The following ANKRD17 variants were observed in gnomAD, a reference collection of about 807,000 sequenced individuals.
The protein encoded by ANKRD17 is ankyrin repeat domain 17.
ANKRD17 carries 19 observed loss-of-function variants against 229.7 expected under a neutral mutation model. The ratio of observed to expected loss-of-function variants is 0.08; its 90% confidence interval spans 0.06 to 0.12. The LOEUF is 0.12. ANKRD17 is among the 10% of genes least tolerant of loss of function. The pLI, the probability that ANKRD17 is intolerant of heterozygous loss-of-function variation, is 1.00. For missense variants in ANKRD17, 2,176 were observed against 3,176.8 expected (o/e 0.68, Z 7.57); for synonymous variants, 1,112 against 1,146.1 (o/e 0.97, Z 0.60).
intron 29 of ANKRD17, among the ~76,000 whole-genome samples, chr4:73,090,235 C>A (rs1186479211): frequency 6.6e-6 from 1 of 152,038 alleles, no homozygotes. Context: ...CATGGTGAAA[C>A]CCCATCTCTA....
rs904707370 is a variant in ANKRD17, at chr4:73,075,990, G to T, written c.*241C>A. On this transcript the variant is annotated 3_prime_UTR_variant, in exon 34 of 34. Coordinates refer to ENST00000358602, the MANE Select transcript of ANKRD17 (RefSeq NM_032217.5). ...GAAAGTTATGTCCAAAGGGGAAGAG[G>T]GAAAGAAAAAAAGAAAAATGATAAG... 13 of 370,658 alleles carry T rather than the reference G, an allele frequency of 3.5e-5. No homozygotes were observed. The highest frequency in any genetic ancestry group is 4.9e-5 in the Non-Finnish European group (10 of 204,928). The allele number at this position is 370,658 out of a possible 1,614,324, so 23.0% of individuals were successfully genotyped here.
chr4:73,142,507 C>A (rs577081946), intron 12 of ANKRD17, 122 bp from the exon 13 acceptor site: 2 of 1,574,894 alleles, frequency 1.3e-6, no homozygotes, highest in Non-Finnish European at 8.6e-7. Context: ...TGGTAAAGAA[C>A]GCTTCAAGTG....
chr4:73,140,636 A>G (rs942586995), intron 14 of ANKRD17, among the ~76,000 whole-genome samples: 2 of 152,188 alleles, frequency 1.3e-5, no homozygotes, highest in East Asian at 3.8e-4. Context: ...AAAACTCATC[A>G]TAAGAACAGA....
chr4:73,154,467 AT>A, intron 5 of ANKRD17, among the ~76,000 whole-genome samples: 2 of 152,244 alleles, frequency 1.3e-5, no homozygotes, highest in South Asian at 4.1e-4. Context: ...TATCAGAGAA[AT>A]GCTTCACAAG....
In ANKRD17 at chr4:73,121,643, T is replaced by C; in HGVS notation, c.3609A>G (p.Leu1203=). The C allele has an allele frequency of 6.2e-7, 1 of 1,613,692 alleles. No individual in the cohort carries two copies. Among genetic ancestry groups the C allele is most frequent in the East Asian group, 2.2e-5 (1 of 44,834 alleles). ...GGYVNIIKIL[L]NAGAEINSRT... ...TAGAGTTAATCTCAGCTCCTGCATT[T>C]AGTAATATTTTGATGATGTTCACAT... Residue 1203 remains leucine, a synonymous_variant, in exon 19 of 34, where the codon CTA becomes CTG. Transcript: ENST00000358602.
chr4:73,125,567 G>A (rs1727325634), intron 16 of ANKRD17, among the ~76,000 whole-genome samples: 1 of 151,704 alleles, frequency 6.6e-6, no homozygotes, highest in Admixed American at 6.6e-5. Context: ...ACCCCATCTT[G>A]ACTGAAAATA....
intron 29 of ANKRD17, 117 bp from the exon 30 acceptor site, chr4:73,085,563 T>C: frequency 2.1e-6 from 2 of 959,954 alleles, no homozygotes; most frequent in South Asian, 1.7e-5. Flanking sequence ...ATTAAAAAAA[T>C]CCCGGCTGGG....
chr4:73,090,716 T>G lies in ANKRD17; in HGVS notation c.6912A>C (p.Lys2304Asn). ...GTAATGGTGGTCTAAAACCTGGAGC[T>G]TTGGAAGTATCAGACTGATGTAAAG... ...SDPLHQSDTS[K>N]APGFRPPLQR... Residue 2304 changes from lysine (K) to asparagine (N), a missense_variant, in exon 29 of 34, where the codon AAA becomes AAC. Lys to Asn is a moderately conservative substitution (Grantham distance 94). Coordinates refer to ENST00000358602, the MANE Select transcript of ANKRD17 (RefSeq NM_032217.5). 6.2e-7 allele frequency: 1 copy of G among 1,614,178 alleles called. No homozygotes were observed. The highest frequency in any genetic ancestry group is 8.5e-7 in the Non-Finnish European group (1 of 1,180,032).
chr4:73,201,465 G>GA (rs1275822937), intron 1 of ANKRD17, among the ~76,000 whole-genome samples: 1 of 151,610 alleles, frequency 6.6e-6, no homozygotes, highest in Non-Finnish European at 1.5e-5. Context: ...AAAACTACAG[G>GA]AAAATGTAAA....
intron 1 of ANKRD17, among the ~76,000 whole-genome samples, chr4:73,220,754 G>GT (rs1320642047): frequency 6.6e-6 from 1 of 151,982 alleles, no homozygotes; most frequent in Non-Finnish European, 1.5e-5. Context: ...ATAAAATTCC[G>GT]TATGTTCAAT....
chr4:73,189,826 A>G (rs905336921), intron 1 of ANKRD17, among the ~76,000 whole-genome samples: 2 of 152,158 alleles, frequency 1.3e-5, no homozygotes, highest in African/African-American at 4.8e-5. Flanking sequence ...AAAAAAAATG[A>G]ACCTTTCAGA....
At chr4:73,220,058 C>T (rs987753844) in intron 1 of ANKRD17, among the ~76,000 whole-genome samples, 3 of 152,100 alleles carry the variant, frequency 2.0e-5, no homozygotes, top group African/African-American at 7.2e-5. Context: ...GGTTTATATA[C>T]ACAGCCCTTG....
chr4:73,126,394 T>C (rs896861193), intron 16 of ANKRD17, among the ~76,000 whole-genome samples: 1 of 151,944 alleles, frequency 6.6e-6, no homozygotes, highest in African/African-American at 2.4e-5. Flanking sequence ...GGATGTCAAG[T>C]AGAATCCTCA....
intron 1 of ANKRD17, among the ~76,000 whole-genome samples, chr4:73,244,990 A>T (rs1744363407): frequency 6.6e-6 from 1 of 152,138 alleles, no homozygotes; most frequent in African/African-American, 2.4e-5. Context: ...ATTCACCTAT[A>T]AAGCAGTTTG....
chr4:73,164,099 T>C (rs188154477), intron 2 of ANKRD17, among the ~76,000 whole-genome samples: 1 of 152,346 alleles, frequency 6.6e-6, no homozygotes, highest in African/African-American at 2.4e-5. Flanking sequence ...CAATATTTAA[T>C]AGATCATCTT....
At chr4:73,257,598 ATTTG>A (rs1745571706) in intron 1 of ANKRD17, among the ~76,000 whole-genome samples, 4 of 152,246 alleles carry the variant, frequency 2.6e-5, no homozygotes, top group Admixed American at 1.3e-4. Context: ...GTATATGGTC[ATTTG>A]TAATTATTTA....
intron 1 of ANKRD17, among the ~76,000 whole-genome samples, chr4:73,185,272 A>G (rs1736142553): frequency 6.6e-6 from 1 of 151,744 alleles, no homozygotes; most frequent in Admixed American, 6.6e-5. Flanking sequence ...TTATCAATGA[A>G]TCTCAAAAGC....
At chr4:73,219,762 A>G (rs1741608198) in intron 1 of ANKRD17, among the ~76,000 whole-genome samples, 1 of 152,174 alleles carries the variant, frequency 6.6e-6, no homozygotes, top group Non-Finnish European at 1.5e-5. Context: ...ACAAAAGAAT[A>G]AGAACGGGTA....
chr4:73,214,308 C>T (rs1317298912), intron 1 of ANKRD17, among the ~76,000 whole-genome samples: 3 of 152,110 alleles, frequency 2.0e-5, no homozygotes, highest in Non-Finnish European at 4.4e-5. Flanking sequence ...ACATTTGAAT[C>T]AAGCAGACTT....
Sources: gnomAD v4.1 joint callset for allele counts (sites outside exome capture counted in the v4.1 genomes callset) on GRCh38, gnomAD v4.1.1 for gene constraint, MANE v1.5 for transcripts, NCBI Gene and HGNC (gene_info 2026-07-23, HGNC 2026-07-21) for gene names.